Variants in LYPLA2 observed in about 807,000 individuals in gnomAD.
The protein encoded by LYPLA2 is acyl-protein thioesterase 2.
A neutral mutation model predicts 30.3 loss-of-function variants in LYPLA2; 7 were observed. The ratio of observed to expected loss-of-function variants is 0.23; its 90% CI spans 0.13 to 0.43. The LOEUF (loss-of-function observed/expected upper bound fraction) is 0.43, where lower values mean the gene tolerates loss of function less well. LYPLA2 is among the 20% of genes least tolerant of loss of function. LYPLA2 has a pLI of 1.00. For missense variants in LYPLA2, 206 were observed against 307.9 expected, an observed-to-expected ratio of 0.67 and a Z score of 2.48; for synonymous variants, 112 against 118.2, an observed-to-expected ratio of 0.95 and a Z score of 0.34.
chr1:23,792,616 G>A, intron 1 of LYPLA2, 41 bp from the exon 2 acceptor site: 3 of 1,299,868 alleles, frequency 2.3e-6, no homozygotes, highest in Non-Finnish European at 3.3e-6. Context: ...AGTGTGTCCT[G>A]TGCCTGGTTT....
rs922108622 is a variant in LYPLA2, at chr1:23,793,299, G to A, written c.176+83G>A. 1 of 1,405,096 alleles carries A rather than the reference G, an allele frequency of 7.1e-7. No individual in the cohort carries two copies. Among genetic ancestry groups the A allele is most frequent in the Non-Finnish European group, 1.0e-6 (1 of 997,440 alleles). 87.0% of individuals were successfully genotyped at this position (1,405,096 alleles called of 1,614,324 possible). On this transcript the variant is annotated intron_variant, in intron 4 of 9. Coordinates refer to ENST00000374514, the MANE Select transcript of LYPLA2 (RefSeq NM_007260.3). The surrounding 1 kb of genome is among the most constrained non-coding windows in gnomAD (Gnocchi z 6.0). Reference sequence around the variant, plus strand: ...TGTCATCCCAGGCCTGTTCTCTCCTGTCAGTTGCATCCTGGGGCTTGGGCT... The same window carrying A: ...TGTCATCCCAGGCCTGTTCTCTCCTATCAGTTGCATCCTGGGGCTTGGGCT...
In LYPLA2 at chr1:23,794,973, C is replaced by G; in HGVS notation, c.*241C>G. 1 of 688,044 alleles carries G rather than the reference C, an allele frequency of 1.5e-6. No homozygotes were observed. Among genetic ancestry groups the G allele is most frequent in the South Asian group, 1.5e-5 (1 of 66,560 alleles). The allele number at this position is 688,044 out of a possible 1,614,324, so 42.6% of individuals were successfully genotyped here. On this transcript the variant is annotated 3_prime_UTR_variant, in exon 10 of 10. Coordinates refer to ENST00000374514, the MANE Select transcript of LYPLA2 (RefSeq NM_007260.3). This position sits in a 1 kb window ranked among gnomAD's most constrained non-coding sequence, Gnocchi z 5.9. ...CTTATCCATTTCCCTGGAGGCGGGC[C>G]CCCCTGGCAGCAGTATTGGAGGGGC...
chr1:23,792,032 G>A (rs974870939), intron 1 of LYPLA2: 1 of 2,274 alleles, frequency 4.4e-4, no homozygotes, highest in East Asian at 4.8e-3. Flanking sequence ...CTCCGTTTAG[G>A]GGGGGCGTGG....
chr1:23,792,787 A>G, intron 2 of LYPLA2, 27 bp downstream of exon 2: 1 of 1,584,358 alleles, frequency 6.3e-7, no homozygotes, highest in Non-Finnish European at 8.7e-7. Context: ...ACCCACGGCC[A>G]GACACTGTGG....
In LYPLA2 at chr1:23,794,041, C is replaced by G. The variant is rs767063293; in HGVS notation, c.296-22C>G. 1 of 1,610,574 alleles carries G rather than the reference C, an allele frequency of 6.2e-7. No homozygotes were observed. Among genetic ancestry groups the G allele is most frequent in the Non-Finnish European group, 8.5e-7 (1 of 1,176,846 alleles). ...GGGCCCCTTGGCAGCTTCCCTCTACCCACTCATGCCCCCTCCCCCAGTCAA... is the reference window on the plus strand; with the variant it reads ...GGGCCCCTTGGCAGCTTCCCTCTACGCACTCATGCCCCCTCCCCCAGTCAA... On this transcript the variant is annotated intron_variant, in intron 6 of 9. Transcript: ENST00000374514. This position sits in a 1 kb window ranked among gnomAD's most constrained non-coding sequence, Gnocchi z 5.9.
chr1:23,794,976 C>G lies in LYPLA2; in HGVS notation c.*244C>G, dbSNP rs570917319. 4.8e-5 allele frequency: 33 copies of G among 685,884 alleles called. No homozygotes were observed. Among genetic ancestry groups the G allele is most frequent in the South Asian group, 4.1e-4 (27 of 66,534 alleles). The allele number at this position is 685,884 out of a possible 1,614,324, so 42.5% of individuals were successfully genotyped here. On this transcript the variant is annotated 3_prime_UTR_variant, in exon 10 of 10. Transcript: ENST00000374514. The surrounding 1 kb of genome is among the most constrained non-coding windows in gnomAD (Gnocchi z 5.9). ...ATCCATTTCCCTGGAGGCGGGCCCC[C>G]CTGGCAGCAGTATTGGAGGGGCTAC...
At chr1:23,792,537 A>G in intron 1 of LYPLA2, 120 bp from the exon 2 acceptor site, 1 of 653,498 alleles carries the variant, frequency 1.5e-6, no homozygotes. Context: ...TTGCTTGACT[A>G]TTCTTTGTGC....
chr1:23,795,476 GTTTTTGGGTGTT>G lies in LYPLA2; in HGVS notation c.*748_*759del, dbSNP rs1638917221. ...GTGTCTCGTCTTCTGTCTCCATGTG[GTTTTTGGGTGTT>G]TTTCTTGTTGTGTCCTGGATTCCGA... is the stretch of plus-strand genomic sequence containing the variant. On this transcript the variant is annotated 3_prime_UTR_variant, in exon 10 of 10. Coordinates refer to ENST00000374514, the MANE Select transcript of LYPLA2 (RefSeq NM_007260.3). The G allele has an allele frequency of 4.4e-6, 1 of 226,720 alleles. No individual in the cohort carries two copies. The highest frequency in any genetic ancestry group is 2.3e-5 in the African/African-American group (1 of 42,876). 14.0% of individuals were successfully genotyped at this position (226,720 alleles called of 1,614,324 possible).
Position 23,794,008 on chromosome 1 carries a change from C to G in LYPLA2, c.296-55C>G. ...CGCTGGGCGGTTCCTCAGCCTAGCT[C>G]CCTTATTGGGCCCCTTGGCAGCTTC... On this transcript the variant is annotated intron_variant, in intron 6 of 9. Transcript: ENST00000374514. This position sits in a 1 kb window ranked among gnomAD's most constrained non-coding sequence, Gnocchi z 5.9. The G allele has an allele frequency of 6.3e-7, 1 of 1,595,242 alleles. No individual in the cohort carries two copies. Among genetic ancestry groups the G allele is most frequent in the Non-Finnish European group, 8.6e-7 (1 of 1,162,784 alleles).
At chr1:23,792,488 G>A in intron 1 of LYPLA2, 169 bp from the exon 2 acceptor site, 1 of 594,308 alleles carries the variant, frequency 1.7e-6, no homozygotes. Context: ...TTCAGCCCTG[G>A]AACTGAGGCA....
chr1:23,793,625 C>T lies in LYPLA2; in HGVS notation c.177-80C>T, dbSNP rs571636803. 4.0e-5 allele frequency: 58 copies of T among 1,440,066 alleles called. No homozygotes were observed. Among genetic ancestry groups the T allele is most frequent in the South Asian group, 2.4e-4 (21 of 87,510 alleles). 89.2% of individuals were successfully genotyped at this position (1,440,066 alleles called of 1,614,324 possible). On this transcript the variant is annotated intron_variant, in intron 4 of 9. Transcript: ENST00000374514. This position sits in a 1 kb window ranked among gnomAD's most constrained non-coding sequence, Gnocchi z 6.0. ...TGCTGGGAGGGGCCACCAGGGGCGGCGCGGCCCCACTCCGGGCTCTGAGCT... is the reference window on the plus strand; with the variant it reads ...TGCTGGGAGGGGCCACCAGGGGCGGTGCGGCCCCACTCCGGGCTCTGAGCT...
In LYPLA2 at chr1:23,794,374, G is replaced by A. The variant is rs1486756292; in HGVS notation, c.471+49G>A. ...CGCCCTTTGTGTCTGCATCCTCGTG[G>A]CTTGGGGACTGCTGCAGCACTAGCT... On this transcript the variant is annotated intron_variant, in intron 8 of 9. Coordinates refer to ENST00000374514, the MANE Select transcript of LYPLA2 (RefSeq NM_007260.3). The surrounding 1 kb of genome is among the most constrained non-coding windows in gnomAD (Gnocchi z 5.9). The A allele has an allele frequency of 5.0e-6, 8 of 1,608,954 alleles. No homozygotes were observed. Among genetic ancestry groups the A allele is most frequent in the Non-Finnish European group, 6.8e-6 (8 of 1,176,112 alleles).
chr1:23,792,287 G>A (rs1020562712), intron 1 of LYPLA2, among the ~76,000 whole-genome samples: 1 of 152,102 alleles, frequency 6.6e-6, no homozygotes, highest in Non-Finnish European at 1.5e-5. Flanking sequence ...GATGATTGGA[G>A]AGGAGGGGGA....
chr1:23,792,679 G>A lies in LYPLA2; in HGVS notation c.-4G>A. The A allele has an allele frequency of 6.2e-7, 1 of 1,611,588 alleles. No individual in the cohort carries two copies. Among genetic ancestry groups the A allele is most frequent in the Non-Finnish European group, 8.5e-7 (1 of 1,179,782 alleles). On this transcript the variant is annotated 5_prime_UTR_variant, in exon 2 of 10. The change creates a new upstream start codon in the 5' untranslated region. Coordinates refer to ENST00000374514, the MANE Select transcript of LYPLA2 (RefSeq NM_007260.3). Reference sequence around the variant, plus strand: ...CAGGCCCCCGCCGTGGAGCCGTGTGGTGTATGTGTGGTAACACCATGTCTG... The same window carrying A: ...CAGGCCCCCGCCGTGGAGCCGTGTGATGTATGTGTGGTAACACCATGTCTG...
intron 1 of LYPLA2, among the ~76,000 whole-genome samples, chr1:23,792,289 G>A (rs1638812085): frequency 6.6e-6 from 1 of 152,002 alleles, no homozygotes; most frequent in Admixed American, 6.5e-5. Context: ...TGATTGGAGA[G>A]GAGGGGGAAG....
Position 23,795,196 on chromosome 1 carries a change from A to G in LYPLA2, c.*464A>G. On this transcript the variant is annotated 3_prime_UTR_variant, in exon 10 of 10. Coordinates refer to ENST00000374514, the MANE Select transcript of LYPLA2 (RefSeq NM_007260.3). ...CTGCTTCTCAGTCATGAATGTGGCC[A>G]TGGCCCCGGGGTCCCCTTGCTGCTG... 1 of 305,454 alleles carries G rather than the reference A, an allele frequency of 3.3e-6. No homozygotes were observed. Among genetic ancestry groups the G allele is most frequent in the Non-Finnish European group, 6.5e-6 (1 of 153,970 alleles). 18.9% of individuals were successfully genotyped at this position (305,454 alleles called of 1,614,324 possible).
chr1:23,792,587 G>T, intron 1 of LYPLA2, 70 bp from the exon 2 acceptor site: 2 of 913,942 alleles, frequency 2.2e-6, no homozygotes, highest in Non-Finnish European at 1.8e-6. Flanking sequence ...CTGATGGCCT[G>T]GTGGCCTCTT....
chr1:23,793,217 G>A lies in LYPLA2; in HGVS notation c.176+1G>A. 1.2e-6 allele frequency: 2 copies of A among 1,613,376 alleles called. No homozygotes were observed. Among genetic ancestry groups the A allele is most frequent in the Non-Finnish European group, 1.7e-6 (2 of 1,179,810 alleles). On this transcript the variant is annotated splice_donor_variant, in intron 4 of 9. Coordinates refer to ENST00000374514, the MANE Select transcript of LYPLA2 (RefSeq NM_007260.3). LOFTEE classifies it high-confidence loss of function. This position sits in a 1 kb window ranked among gnomAD's most constrained non-coding sequence, Gnocchi z 6.0. ...ACGTCAAGTACATCTGTCCCCATGC[G>A]TGAGTGTCACCCCAGCAAGGGAGGG...
intron 1 of LYPLA2, 102 bp from the exon 2 acceptor site, chr1:23,792,555 A>G: frequency 2.8e-6 from 2 of 708,484 alleles, no homozygotes; most frequent in South Asian, 1.6e-5. Context: ...TGCCCAGGAC[A>G]GAACCTGGGT....
Sources: gnomAD v4.1 joint callset for allele counts (sites outside exome capture counted in the v4.1 genomes callset) on GRCh38, gnomAD v4.1.1 for gene constraint, Gnocchi (gnomAD v3.1) non-coding constraint, MANE v1.5 for transcripts, NCBI Gene and HGNC (gene_info 2026-07-23, HGNC 2026-07-21) for gene names.